Variants in SV2C observed in about 807,000 individuals in gnomAD.
SV2C encodes synaptic vesicle glycoprotein 2C, also known as solute carrier family 22 member B3.
In SV2C, 49 loss-of-function variants were observed where a neutral mutation model predicts 79.7. The ratio of observed to expected loss-of-function variants is 0.61; its 90% CI spans 0.49 to 0.78. SV2C has a LOEUF of 0.78. Ranked by LOEUF, SV2C falls within the 30% of genes least tolerant of loss-of-function variation. The pLI, the probability that SV2C is intolerant of heterozygous loss-of-function variation, is 0.00. For missense variants in SV2C, 833 were observed against 912.9 expected, an observed-to-expected ratio of 0.91 and a Z score of 1.13; for synonymous variants, 334 against 333.2, an observed-to-expected ratio of 1.00 and a Z score of -0.03.
chr5:76,084,135 A>T (rs1416310710), intron 1 of SV2C: 1 of 152,338 alleles, frequency 6.6e-6, no homozygotes. Flanking sequence ...AGAGGGCTGG[A>T]GAGCAGGGGA....
intron 4 of SV2C, among the ~76,000 whole-genome samples, chr5:76,271,492 G>A (rs1431544201): frequency 6.6e-6 from 1 of 152,216 alleles, no homozygotes; most frequent in East Asian, 1.9e-4. Flanking sequence ...TGTAGACACT[G>A]CACCCAATAC....
intron 3 of SV2C, among the ~76,000 whole-genome samples, chr5:76,196,939 T>A (rs1218470880): frequency 6.6e-6 from 1 of 152,166 alleles, no homozygotes; most frequent in Non-Finnish European, 1.5e-5. Flanking sequence ...AAGGGCAACA[T>A]AAAAGCAGAG....
At chr5:76,093,799 T>A (rs958650220) in intron 1 of SV2C, among the ~76,000 whole-genome samples, 1 of 101,088 alleles carries the variant, frequency 9.9e-6, no homozygotes, top group Non-Finnish European at 1.8e-5. Context: ...CACTGGGCTC[T>A]TATCAAATTA....
chr5:76,216,613 T>C (rs552895896), intron 4 of SV2C, among the ~76,000 whole-genome samples: 1 of 152,320 alleles, frequency 6.6e-6, no homozygotes, highest in East Asian at 1.9e-4. Context: ...TTGGCTCTTC[T>C]TGACCTAACA....
the SV2C span, among the ~76,000 whole-genome samples, chr5:76,077,581 C>T: frequency 6.6e-6 from 1 of 152,194 alleles, no homozygotes; most frequent in African/African-American, 2.4e-5. Context: ...TGCTGATCTT[C>T]CACAATTTTG....
At chr5:76,236,077 CT>C (rs1745601533) in intron 4 of SV2C, among the ~76,000 whole-genome samples, 1 of 152,108 alleles carries the variant, frequency 6.6e-6, no homozygotes, top group South Asian at 2.1e-4. Flanking sequence ...AATGAGGTAA[CT>C]TTTTTGTTGG....
At chr5:75,958,097 G>A in the SV2C span, among the ~76,000 whole-genome samples, 1 of 151,960 alleles carries the variant, frequency 6.6e-6, no homozygotes, top group African/African-American at 2.4e-5. Flanking sequence ...CAGAATCTCT[G>A]GAAAGCCTCA....
chr5:75,978,614 A>C, the SV2C span, among the ~76,000 whole-genome samples: 1 of 152,320 alleles, frequency 6.6e-6, no homozygotes, highest in East Asian at 1.9e-4. Context: ...TTCCACAAAA[A>C]TTTAAATATA....
the SV2C span, among the ~76,000 whole-genome samples, chr5:75,916,964 G>C: frequency 6.6e-6 from 1 of 152,160 alleles, no homozygotes; most frequent in African/African-American, 2.4e-5. Flanking sequence ...CCCCTCAGTG[G>C]AAGCAACTCT....
chr5:75,942,939 A>G, the SV2C span, among the ~76,000 whole-genome samples: 5 of 152,162 alleles, frequency 3.3e-5, no homozygotes, highest in Admixed American at 2.6e-4. Flanking sequence ...CTGAGTCTGG[A>G]GGATTACCGA....
the SV2C span, chr5:75,911,504 C>A: frequency 2.9e-5 from 21 of 736,400 alleles, 1 homozygote; most frequent in Non-Finnish European, 4.2e-5. Flanking sequence ...GGAGGGGGTT[C>A]AACCACTGGC....
chr5:75,937,353 C>T, the SV2C span, among the ~76,000 whole-genome samples: 1 of 152,048 alleles, frequency 6.6e-6, no homozygotes, highest in Non-Finnish European at 1.5e-5. Flanking sequence ...AGCATTACTT[C>T]CTCTTTTACA....
At chr5:76,309,630 A>AAAC (rs1554046996) in intron 12 of SV2C, among the ~76,000 whole-genome samples, 2 of 131,870 alleles carry the variant, frequency 1.5e-5, no homozygotes, top group African/African-American at 5.7e-5. Flanking sequence ...AAAAAACAGA[A>AAAC]AGAAAGAAAG....
At chr5:75,963,775 T>A in the SV2C span, among the ~76,000 whole-genome samples, 65 of 152,224 alleles carry the variant, frequency 4.3e-4, 1 homozygote, top group East Asian at 0.01. Context: ...CTGTTCTCTC[T>A]TCCTGGAATG....
In SV2C at chr5:76,111,340, T is replaced by C. The variant is rs538760246; in HGVS notation, c.-101-20310T>C. Among the ~76,000 whole-genome samples, 6 of 152,304 alleles carry C rather than the reference T, an allele frequency of 3.9e-5. No individual in the cohort carries two copies. The East Asian group carries it at 1.2e-3, about 29-fold the overall frequency. On this transcript the variant is annotated intron_variant, in intron 1 of 12. Transcript: ENST00000502798. ...TAGACCTGCCTGTCTTAAGGAATCA[T>C]GTATGATTTTCTTATGACTAAAGCA...
At chr5:75,952,247 T>TTTCCTTCCTTCCTTCCTTCCTTCC in the SV2C span, among the ~76,000 whole-genome samples, 24 of 144,352 alleles carry the variant, frequency 1.7e-4, no homozygotes, top group Admixed American at 5.6e-4. Context: ...TCTCCTGCAT[T>TTTCCTTCCTTCCTTCCTTCCTTCC]TTCCTTCCTT....
the SV2C span, among the ~76,000 whole-genome samples, chr5:76,031,047 G>T: frequency 6.6e-6 from 1 of 151,908 alleles, no homozygotes. Flanking sequence ...AGCATATCAT[G>T]ATATTTTTGA....
chr5:76,329,181 A>C lies in SV2C; in HGVS notation c.*3634A>C, dbSNP rs1269554398. 6.6e-6 allele frequency: 1 copy of C among 152,166 alleles called. No homozygotes were observed. The highest frequency in any genetic ancestry group is 1.5e-5 in the Non-Finnish European group (1 of 68,040). The allele number at this position is 152,166 out of a possible 1,614,324, so 9.4% of individuals were successfully genotyped here. A position where few individuals can be genotyped will look rare whatever the true frequency, so the allele number is the denominator to read the frequency against. The stretch of plus-strand genomic sequence containing the variant: ...GGAAGCCCGCATGGAATAGGCCAGA[A>C]AGCACAGTCCCCATGCTGTCTGCCC... On this transcript the variant is annotated 3_prime_UTR_variant, in exon 13 of 13. Transcript: ENST00000502798.
intron 2 of SV2C, among the ~76,000 whole-genome samples, chr5:76,187,770 T>C (rs1440425151): frequency 6.6e-6 from 1 of 151,572 alleles, no homozygotes. Context: ...AAAAAATATG[T>C]CTTAGGGATT....
Sources: allele counts gnomAD v4.1 joint callset (sites outside exome capture counted in the v4.1 genomes callset), GRCh38; gene constraint gnomAD v4.1.1; transcripts MANE v1.5; gene names NCBI Gene and HGNC (gene_info 2026-07-23, HGNC 2026-07-21).